HPGDS: variants seen among roughly 807,000 people sequenced by gnomAD.
The protein encoded by HPGDS is hematopoietic prostaglandin D synthase.
HPGDS carries 26 observed loss-of-function variants against 23.1 expected under a neutral mutation model. The observed-to-expected ratio is 1.13, with a 90% CI of 0.83 to 1.56. The LOEUF is 1.56. Ranked by LOEUF, HPGDS falls within the 40% of genes most tolerant of loss-of-function variation. HPGDS has a pLI of 0.00. For synonymous variants in HPGDS, 95 were observed against 77.9 expected (o/e 1.22, Z -1.16); for missense variants, 268 against 236.4 (o/e 1.13, Z -0.88).
intron 2 of HPGDS, among the ~76,000 whole-genome samples, chr4:94,322,910 A>G (rs1007594841): frequency 2.0e-5 from 3 of 152,162 alleles, no homozygotes; most frequent in Non-Finnish European, 4.4e-5. Context: ...AGTGCTATAA[A>G]TTTCCCTGTA....
chr4:94,301,792 A>G (rs904836730), intron 5 of HPGDS, among the ~76,000 whole-genome samples: 4 of 152,246 alleles, frequency 2.6e-5, no homozygotes, highest in African/African-American at 7.2e-5. Flanking sequence ...TTAGATGTAT[A>G]ATCAGATTAG....
chr4:94,304,594 A>C (rs1441858504), intron 4 of HPGDS, among the ~76,000 whole-genome samples: 1 of 152,118 alleles, frequency 6.6e-6, no homozygotes, highest in Non-Finnish European at 1.5e-5. Context: ...CACTACCAAC[A>C]GTCTAAGAAA....
chr4:94,340,060 T>A (rs1721106980), intron 1 of HPGDS, among the ~76,000 whole-genome samples: 1 of 152,050 alleles, frequency 6.6e-6, no homozygotes. Flanking sequence ...CAAGCGATTA[T>A]CCTGCCTCAG....
chr4:94,336,914 G>A (rs965818343), intron 1 of HPGDS, among the ~76,000 whole-genome samples: 2 of 151,720 alleles, frequency 1.3e-5, no homozygotes, highest in Non-Finnish European at 2.9e-5. Flanking sequence ...AGTGGAAAAA[G>A]TTTGATTATT....
At chr4:94,307,042 A>G (rs577503917) in intron 4 of HPGDS, among the ~76,000 whole-genome samples, 1 of 151,992 alleles carries the variant, frequency 6.6e-6, no homozygotes, top group East Asian at 1.9e-4. Context: ...TTCAGAGTGG[A>G]AAAAAAATAG....
intron 2 of HPGDS, among the ~76,000 whole-genome samples, chr4:94,331,363 G>C (rs1403611474): frequency 1.3e-5 from 2 of 151,968 alleles, no homozygotes; most frequent in Admixed American, 1.3e-4. Context: ...AAATCATCTT[G>C]GTTTCCTCAG....
intron 1 of HPGDS, among the ~76,000 whole-genome samples, chr4:94,341,448 T>C (rs1456056967): frequency 6.6e-6 from 1 of 152,136 alleles, no homozygotes; most frequent in African/African-American, 2.4e-5. Context: ...ATACTAAACA[T>C]CTTAATAAAG....
At chr4:94,306,104 G>A (rs1429236390) in intron 4 of HPGDS, among the ~76,000 whole-genome samples, 1 of 152,062 alleles carries the variant, frequency 6.6e-6, no homozygotes, top group Non-Finnish European at 1.5e-5. Context: ...AGTGTGTAAT[G>A]CCTACTATGT....
intron 1 of HPGDS, among the ~76,000 whole-genome samples, chr4:94,340,177 C>T (rs1357966630): frequency 1.3e-5 from 2 of 151,714 alleles, no homozygotes; most frequent in East Asian, 1.9e-4. Context: ...AGGATGGTCT[C>T]GATCATCTGA....
intron 3 of HPGDS, among the ~76,000 whole-genome samples, chr4:94,310,402 TC>T (rs757191115): frequency 2.8e-4 from 43 of 152,136 alleles, no homozygotes; most frequent in Non-Finnish European, 3.5e-4. Flanking sequence ...TTTCCCCATT[TC>T]TTGTTTTTGT....
chr4:94,305,171 A>T (rs1756117520), intron 4 of HPGDS, among the ~76,000 whole-genome samples: 2 of 152,116 alleles, frequency 1.3e-5, no homozygotes, highest in South Asian at 4.1e-4. Context: ...AACATACTTC[A>T]AAGTAGAGCC....
intron 4 of HPGDS, among the ~76,000 whole-genome samples, chr4:94,304,342 C>A (rs556244349): frequency 3.3e-5 from 5 of 152,224 alleles, no homozygotes; most frequent in African/African-American, 1.2e-4. Context: ...CATTAAATAA[C>A]CAAAGTAACA....
chr4:94,335,947 T>C (rs1413011567), intron 1 of HPGDS, among the ~76,000 whole-genome samples: 1 of 152,194 alleles, frequency 6.6e-6, no homozygotes, highest in Non-Finnish European at 1.5e-5. Flanking sequence ...GGCTCATGCC[T>C]GTAATCCCAG....
At chr4:94,320,906 G>T (rs1449876170) in intron 2 of HPGDS, among the ~76,000 whole-genome samples, 2 of 152,188 alleles carry the variant, frequency 1.3e-5, no homozygotes, top group East Asian at 1.9e-4. Context: ...GTCTGACATT[G>T]AAGTCTTTAA....
chr4:94,314,683 T>G (rs1756357591), intron 3 of HPGDS, among the ~76,000 whole-genome samples: 1 of 152,188 alleles, frequency 6.6e-6, no homozygotes, highest in Admixed American at 6.5e-5. Context: ...TAGGGACATT[T>G]AAGTCTGCAG....
intron 2 of HPGDS, among the ~76,000 whole-genome samples, chr4:94,328,450 C>A (rs923328891): frequency 9.9e-5 from 15 of 152,138 alleles, no homozygotes; most frequent in African/African-American, 3.6e-4. Context: ...TAGCAGATAC[C>A]ATATTAATAT....
intron 2 of HPGDS, among the ~76,000 whole-genome samples, chr4:94,326,951 A>G (rs1451768168): frequency 6.6e-6 from 1 of 151,974 alleles, no homozygotes; most frequent in Non-Finnish European, 1.5e-5. Flanking sequence ...TGTAGTCTTC[A>G]TATGATTTCT....
chr4:94,331,566 A>G (rs899895593), intron 2 of HPGDS, among the ~76,000 whole-genome samples: 3 of 152,180 alleles, frequency 2.0e-5, no homozygotes, highest in African/African-American at 7.2e-5. Flanking sequence ...TCGATCGTTC[A>G]TTAACTTGAG....
chr4:94,322,089 G>A (rs866552588), intron 2 of HPGDS, among the ~76,000 whole-genome samples: 4 of 151,996 alleles, frequency 2.6e-5, no homozygotes, highest in South Asian at 2.1e-4. Flanking sequence ...TATGTTGAAC[G>A]AGCTTTGCAT....
Sources: allele counts gnomAD v4.1 joint callset (sites outside exome capture counted in the v4.1 genomes callset), GRCh38; gene constraint gnomAD v4.1.1; transcripts MANE v1.5; gene names NCBI Gene and HGNC (gene_info 2026-07-23, HGNC 2026-07-21).